Variants in LRRC69 observed in about 807,000 individuals in gnomAD.
The protein encoded by LRRC69 is leucine rich repeat containing 69, also known as leucine-rich repeat-containing protein 69.
LRRC69 carries 42 observed loss-of-function variants against 37.8 expected under a neutral mutation model. The observed-to-expected ratio is 1.11, with a 90% confidence interval of 0.87 to 1.44. The LOEUF (loss-of-function observed/expected upper bound fraction) is 1.44, where lower values mean the gene tolerates loss of function less well. LRRC69 is among the 40% of genes most tolerant of loss of function. LRRC69 has a pLI of 0.00. For synonymous variants in LRRC69, 141 were observed against 143.1 expected, an observed-to-expected ratio of 0.99 and a Z score of 0.11; for missense variants, 357 against 401.9, an observed-to-expected ratio of 0.89 and a Z score of 0.96.
intron 1 of LRRC69, among the ~76,000 whole-genome samples, chr8:91,117,985 C>A (rs761064204): frequency 4.6e-5 from 7 of 151,536 alleles, no homozygotes; most frequent in Non-Finnish European, 1.0e-4. Flanking sequence ...TAGCAATCTT[C>A]AAAAATTTGA....
chr8:91,206,840 A>C, intron 7 of LRRC69: 1 of 1,288,266 alleles, frequency 7.8e-7, no homozygotes, highest in Non-Finnish European at 1.0e-6. Flanking sequence ...AGGCAAGGAG[A>C]AACCAAGTAA....
intron 1 of LRRC69, chr8:91,118,430 G>A (rs1331810621): frequency 3.1e-6 from 1 of 322,922 alleles, no homozygotes; most frequent in Non-Finnish European, 5.7e-6. Context: ...TACTTGGGAA[G>A]CTGAATGAGA....
chr8:91,161,125 C>T (rs1808936392), intron 5 of LRRC69, among the ~76,000 whole-genome samples: 1 of 151,294 alleles, frequency 6.6e-6, no homozygotes, highest in Non-Finnish European at 1.5e-5. Flanking sequence ...TTGAACCATC[C>T]TTGAATCCAT....
intron 1 of LRRC69, among the ~76,000 whole-genome samples, chr8:91,114,453 G>GTT (rs1813471806): frequency 8.2e-6 from 1 of 121,512 alleles, no homozygotes; most frequent in South Asian, 2.8e-4. Context: ...ATGTGTGTGT[G>GTT]TGTATATATA....
intron 3 of LRRC69, among the ~76,000 whole-genome samples, chr8:91,128,277 T>C (rs1194930404): frequency 6.6e-6 from 1 of 152,064 alleles, no homozygotes; most frequent in Non-Finnish European, 1.5e-5. Context: ...TAGATGAACC[T>C]CAAAGTTTTT....
chr8:91,163,086 G>C (rs1016531105), intron 5 of LRRC69, among the ~76,000 whole-genome samples: 1 of 151,024 alleles, frequency 6.6e-6, no homozygotes, highest in African/African-American at 2.4e-5. Context: ...ATATTCCCAT[G>C]GTTGTCTTTT....
chr8:91,151,208 G>C (rs1189058529), intron 5 of LRRC69, among the ~76,000 whole-genome samples: 3 of 150,656 alleles, frequency 2.0e-5, no homozygotes, highest in East Asian at 3.9e-4. Context: ...TTCCTGCTTT[G>C]TCTTGTGGGC....
chr8:91,185,764 CT>C (rs1809398066), intron 5 of LRRC69, among the ~76,000 whole-genome samples: 1 of 151,752 alleles, frequency 6.6e-6, no homozygotes, highest in African/African-American at 2.4e-5. Context: ...CTTTTCCCCC[CT>C]CCTTGAAACT....
At chr8:91,114,554 C>T (rs763806875) in intron 1 of LRRC69, among the ~76,000 whole-genome samples, 6 of 151,970 alleles carry the variant, frequency 3.9e-5, no homozygotes, top group Non-Finnish European at 5.9e-5. Context: ...TAAGATTATA[C>T]GGTATTCTTA....
At chr8:91,144,303 C>G (rs1259670806) in intron 5 of LRRC69, among the ~76,000 whole-genome samples, 1 of 151,898 alleles carries the variant, frequency 6.6e-6, no homozygotes, top group African/African-American at 2.4e-5. Context: ...TTCAGCAGTG[C>G]ACTCTGCTTT....
chr8:91,176,135 T>TATATATGTA (rs1554594558), intron 5 of LRRC69, among the ~76,000 whole-genome samples: 4 of 8,660 alleles, frequency 4.6e-4, no homozygotes, highest in Non-Finnish European at 7.8e-4. Flanking sequence ...TATATATATA[T>TATATATGTA]TTTTTTTTTT....
At chr8:91,161,369 G>C (rs1338237605) in intron 5 of LRRC69, among the ~76,000 whole-genome samples, 1 of 151,252 alleles carries the variant, frequency 6.6e-6, no homozygotes, top group African/African-American at 2.4e-5. Context: ...AAAAGTGGAT[G>C]TTAGTTTCTT....
At chr8:91,111,873 C>T (rs1296311120) in intron 1 of LRRC69, among the ~76,000 whole-genome samples, 1 of 151,390 alleles carries the variant, frequency 6.6e-6, no homozygotes, top group East Asian at 1.9e-4. Context: ...TGTATGTACC[C>T]CTGAACTTAA....
intron 6 of LRRC69, among the ~76,000 whole-genome samples, 190 bp from the exon 7 acceptor site, chr8:91,200,423 T>C (rs769739498): frequency 1.6e-4 from 24 of 152,206 alleles, no homozygotes; most frequent in Non-Finnish European, 2.6e-4. Context: ...ATTGTTCTTA[T>C]ATTGATGAAA....
chr8:91,200,300 T>C (rs1809690517), intron 6 of LRRC69, among the ~76,000 whole-genome samples: 1 of 152,210 alleles, frequency 6.6e-6, no homozygotes, highest in Non-Finnish European at 1.5e-5. Context: ...TAATGAGAGG[T>C]GCCAGATTTA....
intron 5 of LRRC69, among the ~76,000 whole-genome samples, chr8:91,145,379 ATTG>A (rs1411631153): frequency 1.3e-5 from 2 of 151,770 alleles, no homozygotes; most frequent in African/African-American, 4.8e-5. Context: ...CCTCATCCCC[ATTG>A]TTGTTCTGCC....
At chr8:91,207,223 C>G (rs1035948944) in intron 7 of LRRC69, among the ~76,000 whole-genome samples, 3 of 152,162 alleles carry the variant, frequency 2.0e-5, no homozygotes, top group African/African-American at 7.2e-5. Flanking sequence ...CCTGTTACTT[C>G]CCTCTTCAAG....
intron 5 of LRRC69, chr8:91,138,722 T>G (rs781104311): frequency 3.3e-5 from 5 of 151,990 alleles, no homozygotes; most frequent in Admixed American, 6.6e-5. Context: ...ATTTAGTTCC[T>G]AAGAAAAAAT....
intron 5 of LRRC69, among the ~76,000 whole-genome samples, chr8:91,181,557 C>T (rs1192343183): frequency 6.6e-6 from 1 of 152,144 alleles, no homozygotes; most frequent in Non-Finnish European, 1.5e-5. Context: ...GATAGATTTA[C>T]TGCTTTAGTT....
Sources: allele counts gnomAD v4.1 joint callset (sites outside exome capture counted in the v4.1 genomes callset), GRCh38; gene constraint gnomAD v4.1.1; transcripts MANE v1.5; gene names NCBI Gene and HGNC (gene_info 2026-07-23, HGNC 2026-07-21).